Variants in RHOD observed in about 807,000 individuals in gnomAD.
The protein encoded by RHOD is rho-related GTP-binding protein RhoD.
In RHOD, 11 loss-of-function variants were observed where a neutral mutation model predicts 16.7. The observed-to-expected ratio is 0.66, with a 90% CI of 0.41 to 1.09. The LOEUF is 1.09. RHOD is among the 50% of genes least tolerant of loss of function. RHOD has a pLI of 0.00. For synonymous variants in RHOD, 124 were observed against 126.3 expected (o/e 0.98, Z 0.12); for missense variants, 271 against 291.7 (o/e 0.93, Z 0.52).
At chr11:67,061,364 G>A (rs898825498) in intron 1 of RHOD, among the ~76,000 whole-genome samples, 1 of 152,172 alleles carries the variant, frequency 6.6e-6, no homozygotes, top group African/African-American at 2.4e-5. Flanking sequence ...TGGGTACGGT[G>A]GCTCACACCT....
rs1218968353 is a variant in RHOD, at chr11:67,061,739, TAA to T, written c.133-4141_133-4140del. 2.2e-3 allele frequency among the ~76,000 whole-genome samples: 210 copies of T among 96,092 alleles called. 1 individual carries two copies. The highest frequency in any genetic ancestry group is 2.5e-3 in the Non-Finnish European group (122 of 48,418). The allele number at this position is 96,092 out of a possible 152,430, so 63.0% of individuals were successfully genotyped here. A position where few individuals can be genotyped will look rare whatever the true frequency, so the allele number is the denominator to read the frequency against. On this transcript the variant is annotated intron_variant, in intron 1 of 4. Transcript: ENST00000308831. ...GGAGGCGACAGAGCGAGACCCTCTCTAAAAAAAAAAAAAAAAATATATATATA... is the reference window on the plus strand; with the variant it reads ...GGAGGCGACAGAGCGAGACCCTCTCTAAAAAAAAAAAAAAATATATATATA...
intron 1 of RHOD, 103 bp from the exon 2 acceptor site, chr11:67,065,793 C>T (rs1337310286): frequency 6.9e-6 from 5 of 727,086 alleles, no homozygotes; most frequent in Non-Finnish European, 1.2e-5. Context: ...CAAACAACTA[C>T]GCTCCACTGA....
chr11:67,056,995 G>A lies in RHOD; in HGVS notation c.93G>A (p.Thr31=), dbSNP rs1854820512. ...TGGGCGACGGCGGCTGCGGGAAGAC[G>A]TCGCTGCTGATGGTCTTCGCCGATG... ...VLVGDGGCGK[T]SLLMVFADGA... Residue 31 remains threonine (T), a synonymous_variant, in exon 1 of 5, where the codon ACG becomes ACA. Transcript: ENST00000308831. The A allele has an allele frequency of 6.6e-7, 1 of 1,509,310 alleles. No individual in the cohort carries two copies. Among genetic ancestry groups the A allele is most frequent in the Non-Finnish European group, 8.8e-7 (1 of 1,138,708 alleles). The allele number at this position is 1,509,310 out of a possible 1,614,324, so 93.5% of individuals were successfully genotyped here.
chr11:67,063,966 T>A (rs1854924866), intron 1 of RHOD, among the ~76,000 whole-genome samples: 1 of 140,528 alleles, frequency 7.1e-6, no homozygotes, highest in Non-Finnish European at 1.5e-5. Context: ...ATTAGCCGGG[T>A]ATGGTGGCAC....
chr11:67,063,283 G>T (rs1854914069), intron 1 of RHOD, among the ~76,000 whole-genome samples: 1 of 151,950 alleles, frequency 6.6e-6, no homozygotes, highest in African/African-American at 2.4e-5. Flanking sequence ...TTGAGTTCAG[G>T]AGTTCGAGAC....
At chr11:67,057,304 C>A (rs1854825169) in intron 1 of RHOD, among the ~76,000 whole-genome samples, 1 of 152,220 alleles carries the variant, frequency 6.6e-6, no homozygotes, top group Admixed American at 6.5e-5. Context: ...GATCCTAAGA[C>A]AGCACTTGGC....
At chr11:67,061,739 TAAA>T (rs1218968353) in intron 1 of RHOD, among the ~76,000 whole-genome samples, 1,013 of 96,086 alleles carry the variant, frequency 0.011, 18 homozygotes, top group African/African-American at 0.04. Flanking sequence ...AGACCCTCTC[TAAA>T]AAAAAAAAAA....
chr11:67,056,941 A>G lies in RHOD; in HGVS notation c.39A>G (p.Pro13=). 2 of 1,483,052 alleles carry G rather than the reference A, an allele frequency of 1.3e-6. No individual in the cohort carries two copies. Among genetic ancestry groups the G allele is most frequent in the South Asian group, 1.3e-5 (1 of 77,914 alleles). 91.9% of individuals were successfully genotyped at this position (1,483,052 alleles called of 1,614,324 possible). A position where few individuals can be genotyped will look rare whatever the true frequency, so the allele number is the denominator to read the frequency against. ...AAQAAGEEAP[P]GVRSVKVVLV... is the part of the protein sequence containing the mutation. ...AGGCCGCGGGTGAGGAGGCGCCACC[A>G]GGCGTGCGGTCCGTCAAGGTGGTCC... The change falls in exon 1 of 5, where the codon CCA becomes CCG. Residue 13 remains proline (P), a synonymous_variant. Coordinates refer to ENST00000308831, the MANE Select transcript of RHOD (RefSeq NM_014578.4).
Position 67,071,788 on chromosome 11 carries a change from C to T in RHOD, c.*186C>T. 1.6e-6 allele frequency: 1 copy of T among 614,200 alleles called. No homozygotes were observed. The highest frequency in any genetic ancestry group is 2.8e-6 in the Non-Finnish European group (1 of 359,320). The allele number at this position is 614,200 out of a possible 1,614,324, so 38.0% of individuals were successfully genotyped here. A position where few individuals can be genotyped will look rare whatever the true frequency, so the allele number is the denominator to read the frequency against. ...GAAAGGGGGTTCCTGGGCCCACCTG[C>T]TCTGTGTAGGGCTCGTCCTGCGGTG... On this transcript the variant is annotated 3_prime_UTR_variant, in exon 5 of 5. Coordinates refer to ENST00000308831, the MANE Select transcript of RHOD (RefSeq NM_014578.4).
Position 67,071,927 on chromosome 11 carries a change from A to G in RHOD, c.*325A>G, listed in dbSNP as rs997495714. 37 of 323,928 alleles carry G rather than the reference A, an allele frequency of 1.1e-4. 1 individual carries two copies. The highest frequency in any genetic ancestry group is 7.6e-4 in the African/African-American group (36 of 47,060). The allele number at this position is 323,928 out of a possible 1,614,324, so 20.1% of individuals were successfully genotyped here. On this transcript the variant is annotated 3_prime_UTR_variant, in exon 5 of 5. Coordinates refer to ENST00000308831, the MANE Select transcript of RHOD (RefSeq NM_014578.4). ...CCCAGGGCTGCACCTGCCAGGACCT[A>G]ATGTTCTTAGGTCCCTCTGGCCAGA...
intron 1 of RHOD, among the ~76,000 whole-genome samples, chr11:67,061,325 C>T (rs1854884130): frequency 6.6e-6 from 1 of 152,010 alleles, no homozygotes. Context: ...TGTAAAACCC[C>T]ATCTCTATTA....
At chr11:67,067,782 G>C (rs1426465453) in intron 3 of RHOD, among the ~76,000 whole-genome samples, 2 of 140,408 alleles carry the variant, frequency 1.4e-5, no homozygotes, top group Admixed American at 1.6e-4. Context: ...ATGTGGGTGG[G>C]AGGGAGGAGT....
At chr11:67,069,778 C>T (rs1855003347) in intron 3 of RHOD, among the ~76,000 whole-genome samples, 1 of 152,122 alleles carries the variant, frequency 6.6e-6, no homozygotes. Context: ...CTGCAACCTC[C>T]GCCTCCCAGG....
chr11:67,065,851 T>C, intron 1 of RHOD, 45 bp from the exon 2 acceptor site: 1 of 1,378,404 alleles, frequency 7.3e-7, no homozygotes, highest in Non-Finnish European at 1.0e-6. Context: ...CCCCAGTGCC[T>C]CTCCGAAGCC....
intron 1 of RHOD, among the ~76,000 whole-genome samples, chr11:67,062,424 G>C (rs2136246078): frequency 6.6e-6 from 1 of 152,354 alleles, no homozygotes; most frequent in South Asian, 2.1e-4. Flanking sequence ...AGGGCCTGAG[G>C]GAGGGCACCC....
chr11:67,057,936 G>A (rs541898401), intron 1 of RHOD, among the ~76,000 whole-genome samples: 51 of 152,202 alleles, frequency 3.4e-4, no homozygotes, highest in Non-Finnish European at 6.2e-4. Context: ...CTGCTCTGCC[G>A]CCTCTCAGCC....
At chr11:67,064,135 G>T (rs376676667) in intron 1 of RHOD, among the ~76,000 whole-genome samples, 1 of 131,242 alleles carries the variant, frequency 7.6e-6, no homozygotes, top group African/African-American at 2.9e-5. Context: ...GGCCGGGCGC[G>T]GTGGCTCACG....
At chr11:67,070,290 T>G in intron 3 of RHOD, 135 bp from the exon 4 acceptor site, 1 of 913,426 alleles carries the variant, frequency 1.1e-6, no homozygotes, top group Non-Finnish European at 1.7e-6. Flanking sequence ...ACCAAATAGT[T>G]TCTCCCTAGG....
chr11:67,061,790 GTA>G (rs1158047295), intron 1 of RHOD, among the ~76,000 whole-genome samples: 4,804 of 138,316 alleles, frequency 0.035, 145 homozygotes, highest in African/African-American at 0.069. Flanking sequence ...GTGTGTGTGT[GTA>G]TATATATATA....
Sources: gnomAD v4.1 joint callset for allele counts (sites outside exome capture counted in the v4.1 genomes callset) on GRCh38, gnomAD v4.1.1 for gene constraint, MANE v1.5 for transcripts, NCBI Gene and HGNC (gene_info 2026-07-23, HGNC 2026-07-21) for gene names.